The following SUGCT variants were observed in gnomAD, a reference collection of about 807,000 sequenced individuals.
SUGCT encodes succinyl-CoA:glutarate CoA-transferase.
A neutral mutation model predicts 55.0 loss-of-function variants in SUGCT; 41 were observed. That is an observed-to-expected ratio of 0.74 (90% CI 0.58 to 0.97). The LOEUF (loss-of-function observed/expected upper bound fraction) is 0.97, where lower values mean the gene tolerates loss of function less well. SUGCT is among the 50% of genes least tolerant of loss of function. The pLI is 0.00. For synonymous variants in SUGCT, 187 were observed against 200.4 expected, an observed-to-expected ratio of 0.93 and a Z score of 0.56; for missense variants, 568 against 547.8, an observed-to-expected ratio of 1.04 and a Z score of -0.37.
intron 12 of SUGCT, among the ~76,000 whole-genome samples, chr7:40,717,473 C>T (rs1034079647): frequency 2.6e-5 from 4 of 152,196 alleles, no homozygotes; most frequent in Admixed American, 2.0e-4. Flanking sequence ...GGGCACATGT[C>T]GGGCTCCAGT....
chr7:40,921,630 C>T, the SUGCT span, among the ~76,000 whole-genome samples: 14 of 152,350 alleles, frequency 9.2e-5, no homozygotes, highest in Non-Finnish European at 1.5e-4. Context: ...GCCCAGTAAG[C>T]AAGAACAGCA....
At chr7:40,827,622 A>C (rs1220190552) in intron 13 of SUGCT, among the ~76,000 whole-genome samples, 1 of 151,902 alleles carries the variant, frequency 6.6e-6, no homozygotes, top group East Asian at 1.9e-4. Context: ...CACGAGGCTC[A>C]TTTCTCCTCC....
chr7:40,574,261 C>T (rs1360520295), intron 12 of SUGCT, among the ~76,000 whole-genome samples: 2 of 152,184 alleles, frequency 1.3e-5, no homozygotes, highest in Non-Finnish European at 2.9e-5. Flanking sequence ...TTTATTTATT[C>T]ATTCACTTAT....
chr7:40,315,717 T>A (rs1408868888), intron 8 of SUGCT, among the ~76,000 whole-genome samples: 1 of 152,218 alleles, frequency 6.6e-6, no homozygotes, highest in Non-Finnish European at 1.5e-5. Flanking sequence ...ATTTGGGGTA[T>A]GTTTTAATGA....
chr7:40,618,144 A>G (rs533357610), intron 12 of SUGCT, among the ~76,000 whole-genome samples: 36 of 152,140 alleles, frequency 2.4e-4, no homozygotes, highest in Non-Finnish European at 4.3e-4. Context: ...TATTACTGCT[A>G]TCTTTCTTTT....
chr7:41,028,956 T>C, the SUGCT span, among the ~76,000 whole-genome samples: 3 of 152,068 alleles, frequency 2.0e-5, no homozygotes, highest in South Asian at 2.1e-4. Context: ...TTCTCTCTAA[T>C]ATACCCCCAG....
intron 10 of SUGCT, among the ~76,000 whole-genome samples, chr7:40,453,488 C>T (rs1447087877): frequency 3.3e-5 from 5 of 152,212 alleles, no homozygotes; most frequent in Admixed American, 6.5e-5. Context: ...TCCTAATCAG[C>T]ATACCAAAGA....
At position 40,518,344 on chromosome 7, in the gene SUGCT, G is replaced by A. The variant is rs557273383; in HGVS notation, c.1089+21958G>A. Among the ~76,000 whole-genome samples the A allele has an allele frequency of 2.6e-5, 4 of 152,192 alleles. No individual in the cohort carries two copies. The South Asian group carries it at 8.3e-4, about 32-fold the overall frequency. On this transcript the variant is annotated intron_variant, in intron 12 of 13. Coordinates refer to ENST00000335693, the MANE Select transcript of SUGCT (RefSeq NM_001193313.2). ...CAATTGGTAAATTTGTTTTTCAAAT[G>A]GGTATGGGCTAACAGTTATGAGACT...
chr7:40,624,583 A>G (rs1429578863), intron 12 of SUGCT, among the ~76,000 whole-genome samples: 1 of 152,148 alleles, frequency 6.6e-6, no homozygotes, highest in Non-Finnish European at 1.5e-5. Context: ...TTAATTAACT[A>G]ATGTGCTGAT....
chr7:40,628,993 C>A (rs78834953), intron 12 of SUGCT, among the ~76,000 whole-genome samples: 48 of 152,258 alleles, frequency 3.2e-4, no homozygotes, highest in Non-Finnish European at 3.8e-4. Flanking sequence ...AGGATTTACT[C>A]TGTTTCAGCA....
intron 12 of SUGCT, among the ~76,000 whole-genome samples, chr7:40,565,995 A>ATG (rs1796121117): frequency 4.4e-5 from 2 of 45,574 alleles, no homozygotes; most frequent in African/African-American, 7.4e-5. Flanking sequence ...ACACACACGC[A>ATG]CACACACACA....
intron 12 of SUGCT, among the ~76,000 whole-genome samples, chr7:40,620,293 A>G (rs1446940876): frequency 1.3e-5 from 2 of 152,230 alleles, no homozygotes; most frequent in African/African-American, 4.8e-5. Flanking sequence ...AGCACATTGA[A>G]TTTATGTTAC....
At chr7:40,368,653 G>T (rs1392905465) in intron 9 of SUGCT, among the ~76,000 whole-genome samples, 1 of 152,138 alleles carries the variant, frequency 6.6e-6, no homozygotes, top group African/African-American at 2.4e-5. Context: ...AACTAGTTTT[G>T]ACTCTAATTT....
At chr7:40,558,991 A>G (rs1025389477) in intron 12 of SUGCT, among the ~76,000 whole-genome samples, 1 of 152,218 alleles carries the variant, frequency 6.6e-6, no homozygotes, top group East Asian at 1.9e-4. Context: ...AAAATGCTGT[A>G]TGTAAATATG....
intron 12 of SUGCT, among the ~76,000 whole-genome samples, chr7:40,725,913 T>C (rs535537210): frequency 2.0e-5 from 3 of 152,144 alleles, no homozygotes; most frequent in East Asian, 1.9e-4. Flanking sequence ...TAAAGAACTT[T>C]ATAGAGAGGG....
chr7:40,729,496 T>TTGGAGATG (rs1447118643), intron 12 of SUGCT, among the ~76,000 whole-genome samples: 3 of 152,222 alleles, frequency 2.0e-5, no homozygotes, highest in Admixed American at 2.0e-4. Flanking sequence ...GAAGATAACA[T>TTGGAGATG]TGGAGATGTG....
chr7:40,187,131 C>T (rs200888530), intron 3 of SUGCT, among the ~76,000 whole-genome samples: 134 of 152,184 alleles, frequency 8.8e-4, no homozygotes, highest in East Asian at 3.7e-3. Context: ...TCATGTCCTT[C>T]GTAGGGACAT....
At chr7:40,867,017 G>C in the SUGCT span, among the ~76,000 whole-genome samples, 3 of 151,732 alleles carry the variant, frequency 2.0e-5, no homozygotes, top group Non-Finnish European at 2.9e-5. Flanking sequence ...AGGCCCAGAT[G>C]GGGGGAGAAA....
chr7:40,448,930 G>T (rs1321314505), intron 9 of SUGCT, among the ~76,000 whole-genome samples: 2 of 146,046 alleles, frequency 1.4e-5, no homozygotes, highest in African/African-American at 5.3e-5. Flanking sequence ...ATATATGTGT[G>T]TGTGTGTGTG....
Sources: allele counts gnomAD v4.1 joint callset (sites outside exome capture counted in the v4.1 genomes callset), GRCh38; gene constraint gnomAD v4.1.1; transcripts MANE v1.5; gene names NCBI Gene and HGNC (gene_info 2026-07-23, HGNC 2026-07-21).